ABCA8: variants seen among roughly 807,000 people sequenced by gnomAD.
ABCA8 encodes the protein ATP binding cassette subfamily A member 8, also known as ABC-type organic anion transporter ABCA8.
In ABCA8, 177 loss-of-function variants were observed where a neutral mutation model predicts 192.3. The observed-to-expected ratio is 0.92, with a 90% CI of 0.81 to 1.04. The LOEUF (loss-of-function observed/expected upper bound fraction) is 1.04, where lower values mean the gene tolerates loss of function less well. Among genes scored for constraint, ABCA8 ranks in the 50% least tolerant of loss-of-function variants. The pLI is 0.00. For synonymous variants in ABCA8, 642 were observed against 690.2 expected, an observed-to-expected ratio of 0.93 and a Z score of 1.09; for missense variants, 1,915 against 1,904.8, an observed-to-expected ratio of 1.01 and a Z score of -0.10.
intron 16 of ABCA8, among the ~76,000 whole-genome samples, 157 bp downstream of exon 16, chr17:68,917,890 A>G (rs1176596507): frequency 1.3e-5 from 2 of 152,224 alleles, no homozygotes; most frequent in Non-Finnish European, 2.9e-5. Flanking sequence ...AAATGGTTGC[A>G]AGAGGCTTTG....
intron 1 of ABCA8, among the ~76,000 whole-genome samples, chr17:68,952,176 T>C (rs2068584868): frequency 6.6e-6 from 1 of 152,216 alleles, no homozygotes; most frequent in Non-Finnish European, 1.5e-5. Flanking sequence ...TTCTAGTTAT[T>C]TTAACACTCT....
chr17:68,941,249 G>A (rs898927937), intron 3 of ABCA8, among the ~76,000 whole-genome samples: 3 of 151,992 alleles, frequency 2.0e-5, no homozygotes, highest in Non-Finnish European at 2.9e-5. Context: ...AGATAGTATC[G>A]GAGGGATAGT....
intron 17 of ABCA8, 43 bp downstream of exon 17, chr17:68,917,318 G>T: frequency 8.3e-7 from 1 of 1,203,268 alleles, no homozygotes; most frequent in Non-Finnish European, 1.2e-6. Context: ...CAAGCATCAA[G>T]CCTTACACTA....
chr17:68,892,359 G>A (rs2066639511), intron 23 of ABCA8, among the ~76,000 whole-genome samples: 1 of 152,140 alleles, frequency 6.6e-6, no homozygotes, highest in Non-Finnish European at 1.5e-5. Flanking sequence ...TGAGTACTGG[G>A]TAGGGTCAAT....
rs534478252 is a variant in ABCA8 at position 68,903,607 on chromosome 17, A to G, written c.2399-108T>C. ...GACTCTTCCGCGTTACTATAGGTAT[A>G]ACGTGGTTTTGCTGGTTACTGCCTT... is the stretch of plus-strand genomic sequence containing the variant. On this transcript the variant is annotated intron_variant, in intron 19 of 39. Transcript: ENST00000586539. 11 of 1,016,964 alleles carry G rather than the reference A, an allele frequency of 1.1e-5. No homozygotes were observed. In the East Asian group the frequency reaches 2.8e-4, roughly 25 times the overall value. The allele number at this position is 1,016,964 out of a possible 1,614,324, so 63.0% of individuals were successfully genotyped here.
chr17:68,905,956 G>C (rs904572150), intron 19 of ABCA8, 88 bp downstream of exon 19: 37 of 1,255,708 alleles, frequency 2.9e-5, no homozygotes, highest in Non-Finnish European at 3.8e-5. Flanking sequence ...CCTTAATCAT[G>C]AACCCCACAT....
At chr17:68,894,827 A>T in intron 22 of ABCA8, 53 bp downstream of exon 22, 2 of 1,549,282 alleles carry the variant, frequency 1.3e-6, no homozygotes, top group Middle Eastern at 3.5e-4. Context: ...GAGTATATTG[A>T]TATTATGTTA....
In ABCA8 at chr17:68,876,543, G is replaced by C. The variant is rs762853095; in HGVS notation, c.4287C>G (p.Val1429=). The C allele has an allele frequency of 6.8e-6, 11 of 1,613,960 alleles. No homozygotes were observed. In the African/African-American group the frequency reaches 8.0e-5, roughly 12 times the overall value. ...CTGACGGGTTCCCCAGTATGCTCAGGACAAAGCACAGCTGCAACGGGAGGA... is the reference window on the plus strand; with the variant it reads ...CTGACGGGTTCCCCAGTATGCTCAGCACAAAGCACAGCTGCAACGGGAGGA... ...SEGIKRKLCF[V]LSILGNPSVV... is the part of the protein sequence containing the mutation. The change falls in exon 35 of 40, where the codon GTC becomes GTG. Residue 1429 remains valine, a synonymous_variant. Transcript: ENST00000586539.
chr17:68,907,275 T>A (rs536933721), intron 18 of ABCA8, among the ~76,000 whole-genome samples: 337 of 152,264 alleles, frequency 2.2e-3, no homozygotes, highest in African/African-American at 7.5e-3. Flanking sequence ...ACCACTAATG[T>A]GGGCCCTTAT....
intron 25 of ABCA8, 96 bp downstream of exon 25, chr17:68,887,233 AATTTATG>A: frequency 7.4e-7 from 1 of 1,343,056 alleles, no homozygotes; most frequent in South Asian, 1.5e-5. Flanking sequence ...ATAGTTCTTT[AATTTATG>A]ACCATATAAA....
In ABCA8 at chr17:68,921,506, A is replaced by T. The variant is rs756602748; in HGVS notation, c.1502-14T>A. The T allele has an allele frequency of 5.9e-6, 9 of 1,515,014 alleles. No homozygotes were observed. The highest frequency in any genetic ancestry group is 8.2e-6 in the Non-Finnish European group (9 of 1,099,136). 93.8% of individuals were successfully genotyped at this position (1,515,014 alleles called of 1,614,324 possible). ...CAAATACCAGATCTAGGAAGAAAAA[A>T]AGAAAGGAAAGAAAGATAAGATAAA... On this transcript the variant is annotated splice_polypyrimidine_tract_variant and intron_variant, in intron 12 of 39. Transcript: ENST00000586539.
chr17:68,953,355 C>A (rs2068621256), intron 1 of ABCA8, among the ~76,000 whole-genome samples: 1 of 152,176 alleles, frequency 6.6e-6, no homozygotes. Context: ...TCTATGAACT[C>A]CTCCATAGTG....
At chr17:68,904,654 G>T (rs4147996) in intron 19 of ABCA8, among the ~76,000 whole-genome samples, 4,411 of 152,254 alleles carry the variant, frequency 0.029, 99 homozygotes, top group East Asian at 0.12. Context: ...GGGTACCTAA[G>T]TCACAAAACG....
rs16973430 is a variant in ABCA8, at chr17:68,918,248, C to T, written c.1909-63G>A. The T allele has an allele frequency of 5.9e-3, 9,352 of 1,591,686 alleles. 383 individuals are homozygous for T. In the African/African-American group the frequency reaches 0.095, roughly 16 times the overall value. On this transcript the variant is annotated intron_variant, in intron 15 of 39. Coordinates refer to ENST00000586539, the MANE Select transcript of ABCA8 (RefSeq NM_001288985.2). ...AAGGTGAAGTTCTTCCAGAAAACAA[C>T]GCAAAAACCATATTGATTATATTTA...
chr17:68,936,854 G>T lies in ABCA8; in HGVS notation c.466+97C>A, dbSNP rs565361346. On this transcript the variant is annotated intron_variant, in intron 5 of 39. Transcript: ENST00000586539. ...CATGCATACATCATTATGACAGATA[G>T]TGATGCTCTAATTTGGCATACTAAC... 1.4e-4 allele frequency: 148 copies of T among 1,062,832 alleles called. No homozygotes were observed. In the African/African-American group the frequency reaches 2.2e-3, roughly 16 times the overall value. The allele number at this position is 1,062,832 out of a possible 1,614,324, so 65.8% of individuals were successfully genotyped here.
At chr17:68,940,690 A>T in intron 4 of ABCA8, 68 bp downstream of exon 4, 1 of 1,386,404 alleles carries the variant, frequency 7.2e-7, no homozygotes, top group East Asian at 2.3e-5. Flanking sequence ...AATTAAATGT[A>T]TAAATCTGCG....
intron 21 of ABCA8, among the ~76,000 whole-genome samples, chr17:68,900,024 G>A (rs542960341): frequency 1.3e-5 from 2 of 152,210 alleles, no homozygotes; most frequent in Non-Finnish European, 2.9e-5. Flanking sequence ...ACCAGTGAGT[G>A]AAACTTCTGT....
At position 68,885,554 on chromosome 17, in the gene ABCA8, CT is replaced by C. The variant is rs4148025; in HGVS notation, c.3430-240del. On this transcript the variant is annotated intron_variant, in intron 26 of 39. Coordinates refer to ENST00000586539, the MANE Select transcript of ABCA8 (RefSeq NM_001288985.2). ...TGTGATATGCAGAATTTTTTTCTCT[CT>C]TTTTTTTTTTGAGATGGAGTCTTGC... is the stretch of plus-strand genomic sequence containing the variant. Among the ~76,000 whole-genome samples the C allele has an allele frequency of 8.3e-3, 1,217 of 146,250 alleles. 17 individuals are homozygous for C. Among genetic ancestry groups the C allele is most frequent in the African/African-American group, 0.027 (1,103 of 40,144 alleles).
intron 2 of ABCA8, among the ~76,000 whole-genome samples, 169 bp from the exon 3 acceptor site, chr17:68,942,208 G>A (rs991958624): frequency 3.3e-5 from 5 of 152,012 alleles, no homozygotes; most frequent in East Asian, 1.9e-4. Flanking sequence ...CTCTCCTTCC[G>A]TCCCCACTTG....
Sources: allele counts gnomAD v4.1 joint callset (sites outside exome capture counted in the v4.1 genomes callset), GRCh38; gene constraint gnomAD v4.1.1; transcripts MANE v1.5; gene names NCBI Gene and HGNC (gene_info 2026-07-23, HGNC 2026-07-21).